Variants in PAMR1 observed in about 807,000 individuals in gnomAD.
PAMR1 encodes the protein peptidase domain containing associated with muscle regeneration 1.
PAMR1 carries 88 observed loss-of-function variants against 81.8 expected under a neutral mutation model. The observed-to-expected ratio is 1.08, with a 90% CI of 0.91 to 1.28. The LOEUF (loss-of-function observed/expected upper bound fraction) is 1.28. PAMR1 is among the 50% of genes most tolerant of loss of function. The probability of loss-of-function intolerance (pLI) is 0.00; values close to 1 mark genes in which losing one functional copy is unlikely to be tolerated. For synonymous variants in PAMR1, 336 were observed against 345.3 expected (o/e 0.97, Z 0.30); for missense variants, 935 against 919.7 (o/e 1.02, Z -0.21).
At chr11:35,449,408 C>T (rs1856365183) in intron 6 of PAMR1, among the ~76,000 whole-genome samples, 1 of 152,230 alleles carries the variant, frequency 6.6e-6, no homozygotes, top group Non-Finnish European at 1.5e-5. Flanking sequence ...CCGTAAACCC[C>T]TGGCTGGAGT....
At chr11:35,526,599 T>C (rs1465091208), upstream of PAMR1, among the ~76,000 whole-genome samples, 1 of 152,222 alleles carries the variant, frequency 6.6e-6, no homozygotes, top group Non-Finnish European at 1.5e-5. Flanking sequence ...AACGGAACCA[T>C]TGAGGATTAC....
intron 1 of PAMR1, among the ~76,000 whole-genome samples, chr11:35,519,200 C>T (rs1760314): frequency 0.4 from 60,706 of 151,990 alleles, 12,980 homozygotes; most frequent in East Asian, 0.69. Context: ...GTCTGATAGA[C>T]AGTAGATCCT....
intron 8 of PAMR1, among the ~76,000 whole-genome samples, chr11:35,439,062 A>C (rs535143360): frequency 1.3e-5 from 2 of 152,278 alleles, no homozygotes; most frequent in Admixed American, 1.3e-4. Context: ...AAGAGAATGT[A>C]GAAGAAATGA....
intron 6 of PAMR1, among the ~76,000 whole-genome samples, chr11:35,457,039 A>C (rs1036285378): frequency 1.4e-4 from 21 of 152,328 alleles, no homozygotes; most frequent in Admixed American, 1.4e-3. Flanking sequence ...TTAGAGAAAC[A>C]ACTAGATGGT....
Position 35,454,377 on chromosome 11 carries a change from T to C in PAMR1, c.821-12684A>G, listed in dbSNP as rs576398262. On this transcript the variant is annotated intron_variant, in intron 6 of 10. Transcript: ENST00000619888. Reference sequence around the variant, plus strand: ...AGGCAATGACTGATGGATATGGAAGTTTACAAGCCCAAACAGTGTTCCTGG... The same window carrying C: ...AGGCAATGACTGATGGATATGGAAGCTTACAAGCCCAAACAGTGTTCCTGG... Among the ~76,000 whole-genome samples, 3 of 152,256 alleles carry C rather than the reference T, an allele frequency of 2.0e-5. No homozygotes were observed. The South Asian group carries it at 6.2e-4, about 32-fold the overall frequency.
upstream of PAMR1, among the ~76,000 whole-genome samples, chr11:35,529,325 G>T (rs1489410158): frequency 6.6e-6 from 1 of 152,200 alleles, no homozygotes; most frequent in Non-Finnish European, 1.5e-5. Flanking sequence ...AGTTAAAATT[G>T]AAAAATGGAC....
intron 4 of PAMR1, among the ~76,000 whole-genome samples, chr11:35,471,334 G>A (rs1199714647): frequency 6.6e-6 from 1 of 152,206 alleles, no homozygotes; most frequent in African/African-American, 2.4e-5. Context: ...AAGGCAGAGA[G>A]GAACACCTGC....
chr11:35,470,742 C>G lies in PAMR1; in HGVS notation c.571G>C (p.Asp191His). The G allele has an allele frequency of 6.2e-7, 1 of 1,614,046 alleles. No homozygotes were observed. The highest frequency in any genetic ancestry group is 1.3e-5 in the African/African-American group (1 of 75,006). ...YVEVRDGDNR[D>H]GQIIKRVCGN... Reference sequence around the variant, plus strand: ...CAGACACGCTTGATGATCTGGCCATCGCGGTTGTCTCCATCACGAACCTCA... The same window carrying G: ...CAGACACGCTTGATGATCTGGCCATGGCGGTTGTCTCCATCACGAACCTCA... The change falls in exon 5 of 11, where the codon GAT (aspartate) becomes CAT (histidine). Residue 191 changes from aspartate (D) to histidine (H), a missense_variant. By Grantham distance (81) the Asp-to-His change is moderately conservative. Coordinates refer to ENST00000619888, the MANE Select transcript of PAMR1 (RefSeq NM_001001991.3).
chr11:35,525,172 G>GTTACAAAAAACTTCGCTTTT (rs1355288905), intron 1 of PAMR1, among the ~76,000 whole-genome samples: 18 of 152,140 alleles, frequency 1.2e-4, no homozygotes, highest in Non-Finnish European at 2.1e-4. Flanking sequence ...AGTCAGAGCG[G>GTTACAAAAAACTTCGCTTTT]GTAACTCAGA....
chr11:35,473,826 A>G (rs1027418073), intron 4 of PAMR1, among the ~76,000 whole-genome samples: 1 of 152,196 alleles, frequency 6.6e-6, no homozygotes, highest in African/African-American at 2.4e-5. Flanking sequence ...CACTGTCACC[A>G]CAGGGTTAAA....
chr11:35,450,433 G>T (rs979621200), intron 6 of PAMR1, among the ~76,000 whole-genome samples: 1 of 152,136 alleles, frequency 6.6e-6, no homozygotes, highest in African/African-American at 2.4e-5. Context: ...TAAAAATACT[G>T]TGATGGTATA....
intron 3 of PAMR1, among the ~76,000 whole-genome samples, chr11:35,484,218 G>A (rs1850455674): frequency 6.6e-6 from 1 of 152,192 alleles, no homozygotes; most frequent in African/African-American, 2.4e-5. Flanking sequence ...AGGCCACTAT[G>A]AGGATCCCAA....
chr11:35,460,334 T>A (rs1590337289), intron 6 of PAMR1, among the ~76,000 whole-genome samples: 2 of 152,256 alleles, frequency 1.3e-5, no homozygotes, highest in Admixed American at 6.5e-5. Flanking sequence ...TTTATATACT[T>A]TTTTTCTATA....
At chr11:35,475,405 A>G (rs1023740029) in intron 3 of PAMR1, among the ~76,000 whole-genome samples, 1 of 152,210 alleles carries the variant, frequency 6.6e-6, no homozygotes, top group East Asian at 1.9e-4. Context: ...TGTATAAAAA[A>G]GGGGCTCCTG....
chr11:35,487,948 T>C (rs1394061605), intron 3 of PAMR1, among the ~76,000 whole-genome samples: 2 of 152,206 alleles, frequency 1.3e-5, no homozygotes, highest in Non-Finnish European at 2.9e-5. Flanking sequence ...TCCTACCATA[T>C]AATTACTAAC....
chr11:35,491,694 T>C (rs1224317491), intron 3 of PAMR1, among the ~76,000 whole-genome samples: 4 of 152,230 alleles, frequency 2.6e-5, no homozygotes, highest in Admixed American at 6.5e-5. Flanking sequence ...CAGAAATTCA[T>C]ACGTACAGTG....
intron 1 of PAMR1, among the ~76,000 whole-genome samples, chr11:35,507,519 TTAATAGTCTGTGTTATCTTAGCAATCAC>T (rs1219580003): frequency 6.6e-6 from 1 of 152,230 alleles, no homozygotes; most frequent in Non-Finnish European, 1.5e-5. Context: ...AATTTCTGAA[TTAATAGTCTGTGTTATCTTAGCAATCAC>T]TGAGATTCTC....
At position 35,500,936 on chromosome 11, in the gene PAMR1, C is replaced by G. The variant is rs547631725; in HGVS notation, c.74-6664G>C. ...TATAAGGCACTTACCATGAACAGAG[C>G]TTGCAGGACTGGAAATTGCTCTGGG... is the stretch of plus-strand genomic sequence containing the variant. On this transcript the variant is annotated intron_variant, in intron 1 of 10. Transcript: ENST00000619888. Among the ~76,000 whole-genome samples, 4 of 152,186 alleles carry G rather than the reference C, an allele frequency of 2.6e-5. No homozygotes were observed. The East Asian group carries it at 5.8e-4, about 22-fold the overall frequency.
intron 3 of PAMR1, among the ~76,000 whole-genome samples, chr11:35,477,166 G>A (rs115653084): frequency 0.011 from 1,626 of 152,098 alleles, 29 homozygotes; most frequent in African/African-American, 0.037. Flanking sequence ...TAATACACAC[G>A]CCTATTTGAA....
Sources: allele counts gnomAD v4.1 joint callset (sites outside exome capture counted in the v4.1 genomes callset), GRCh38; gene constraint gnomAD v4.1.1; transcripts MANE v1.5; gene names NCBI Gene and HGNC (gene_info 2026-07-23, HGNC 2026-07-21).